The following VPS35L variants were observed in gnomAD, a reference collection of about 807,000 sequenced individuals.
The protein encoded by VPS35L is VPS35 endosomal protein sorting factor like, also known as VPS35 endosomal protein-sorting factor-like.
Under a neutral mutation model 133.0 loss-of-function variants are expected in VPS35L, and 83 were observed. That is an observed-to-expected ratio of 0.62 (90% CI 0.52 to 0.75). The LOEUF (loss-of-function observed/expected upper bound fraction) is 0.75, where lower values mean the gene tolerates loss of function less well. Ranked by LOEUF, VPS35L falls within the 30% of genes least tolerant of loss-of-function variation. The probability of loss-of-function intolerance (pLI) is 0.00; values close to 1 mark genes in which losing one functional copy is unlikely to be tolerated. For missense variants in VPS35L, 1,083 were observed against 1,206.8 expected, an observed-to-expected ratio of 0.90 and a Z score of 1.52; for synonymous variants, 423 against 449.9, an observed-to-expected ratio of 0.94 and a Z score of 0.76.
intron 4 of VPS35L, 67 bp from the exon 5 acceptor site, chr16:19,575,031 C>G: frequency 7.4e-7 from 1 of 1,350,122 alleles, no homozygotes; most frequent in Non-Finnish European, 1.0e-6. Context: ...GTAAATGGCT[C>G]TGTTGGAAAA....
intron 7 of VPS35L, among the ~76,000 whole-genome samples, chr16:19,585,505 G>T (rs572737765): frequency 2.6e-4 from 40 of 151,070 alleles, no homozygotes; most frequent in Admixed American, 9.3e-4. Context: ...GGCCTCAAGC[G>T]ATCCTCCCGC....
chr16:19,675,305 C>T (rs559303611), intron 27 of VPS35L, among the ~76,000 whole-genome samples: 1 of 147,942 alleles, frequency 6.8e-6, no homozygotes, highest in African/African-American at 2.5e-5. Flanking sequence ...TGCAGTAGTA[C>T]AATCATAGCT....
chr16:19,581,442 G>A (rs1441418426), intron 6 of VPS35L, 83 bp from the exon 7 acceptor site: 1 of 1,368,320 alleles, frequency 7.3e-7, no homozygotes, highest in Non-Finnish European at 9.6e-7. Context: ...CCAAAACTCA[G>A]CCAATACCTA....
At chr16:19,591,692 C>T in intron 7 of VPS35L, 98 bp from the exon 8 acceptor site, 2 of 885,742 alleles carry the variant, frequency 2.3e-6, no homozygotes, top group South Asian at 3.0e-5. Flanking sequence ...GTAAGTATCT[C>T]AACTTGTATA....
chr16:19,671,002 T>C (rs1224521874), intron 27 of VPS35L, among the ~76,000 whole-genome samples: 1 of 152,220 alleles, frequency 6.6e-6, no homozygotes, highest in Admixed American at 6.5e-5. Flanking sequence ...TGTATGTTCT[T>C]CTTCCTTTCA....
chr16:19,556,122 T>C (rs114080607), intron 1 of VPS35L, among the ~76,000 whole-genome samples: 1,654 of 152,300 alleles, frequency 0.011, 40 homozygotes, highest in African/African-American at 0.037. Flanking sequence ...TCGGGAGATC[T>C]GGCTGTTGGT....
intron 27 of VPS35L, among the ~76,000 whole-genome samples, chr16:19,675,798 C>A (rs12928663): frequency 0.19 from 28,423 of 151,672 alleles, 3,311 homozygotes; most frequent in South Asian, 0.36. Flanking sequence ...GCTCAGCCCC[C>A]CTCCGCCTCC....
chr16:19,626,292 TG>T, intron 15 of VPS35L, 69 bp downstream of exon 15: 1 of 1,162,244 alleles, frequency 8.6e-7, no homozygotes, highest in Non-Finnish European at 1.3e-6. Context: ...GAGCTTGGCC[TG>T]CTTACCTGGG....
At chr16:19,612,864 G>T (rs1435543422) in intron 12 of VPS35L, among the ~76,000 whole-genome samples, 3 of 152,226 alleles carry the variant, frequency 2.0e-5, no homozygotes, top group Admixed American at 1.3e-4. Flanking sequence ...CAGTGACAAT[G>T]AGGAGAAGAT....
At chr16:19,558,760 GA>G (rs111538957) in intron 1 of VPS35L, among the ~76,000 whole-genome samples, 226 of 143,468 alleles carry the variant, frequency 1.6e-3, no homozygotes, top group South Asian at 2.4e-3. Context: ...GTCTCTACTA[GA>G]AAAAAAAAAA....
In VPS35L at chr16:19,633,086, G is replaced by A. The variant is rs778067877; in HGVS notation, c.1555-6G>A. 3.1e-6 allele frequency: 5 copies of A among 1,613,866 alleles called. No individual in the cohort carries two copies. Among genetic ancestry groups the A allele is most frequent in the Non-Finnish European group, 4.2e-6 (5 of 1,179,812 alleles). On this transcript the variant is annotated splice_region_variant and splice_polypyrimidine_tract_variant and intron_variant, in intron 18 of 30. Transcript: ENST00000417362. This position sits in a 1 kb window ranked among gnomAD's most constrained non-coding sequence, Gnocchi z 4.1. ...AATTCAGGTTTGGTTCCTTTTTCCT[G>A]CTTAGAAACGAGAGGTGAATACCGT...
At chr16:19,691,247 T>C (rs1975669557) in intron 28 of VPS35L, 106 bp from the exon 29 acceptor site, 2 of 884,138 alleles carry the variant, frequency 2.3e-6, no homozygotes, top group Non-Finnish European at 3.7e-6. Flanking sequence ...CTGCCACGAC[T>C]TCCTGCCATC....
At chr16:19,608,334 G>A in intron 10 of VPS35L, 60 bp downstream of exon 10, 2 of 1,242,252 alleles carry the variant, frequency 1.6e-6, no homozygotes, top group South Asian at 2.4e-5. Flanking sequence ...GAATTGTACT[G>A]TTAATAGAAG....
intron 14 of VPS35L, among the ~76,000 whole-genome samples, chr16:19,624,330 C>T (rs1973190668): frequency 6.6e-6 from 1 of 151,160 alleles, no homozygotes; most frequent in Admixed American, 6.6e-5. Context: ...CTCCTGTAAT[C>T]CCAGCACTTT....
At chr16:19,557,357 T>C (rs1970893129) in intron 1 of VPS35L, among the ~76,000 whole-genome samples, 1 of 152,196 alleles carries the variant, frequency 6.6e-6, no homozygotes, top group South Asian at 2.1e-4. Flanking sequence ...ATTTAGGGTC[T>C]CTATAGTTCC....
intron 27 of VPS35L, among the ~76,000 whole-genome samples, chr16:19,680,032 C>G (rs1209130594): frequency 6.6e-6 from 1 of 152,216 alleles, no homozygotes; most frequent in Non-Finnish European, 1.5e-5. Flanking sequence ...CTTGGTTTAT[C>G]TGCAGAGAGG....
At position 19,690,438 on chromosome 16, in the gene VPS35L, G is replaced by A. The variant is rs554839935; in HGVS notation, c.2528-915G>A. 2.6e-4 allele frequency among the ~76,000 whole-genome samples: 40 copies of A among 152,324 alleles called. No homozygotes were observed. The South Asian group carries it at 3.1e-3, about 12-fold the overall frequency. ...AGGACGAGACCCAGCAAACAGTGGA[G>A]GAGCTTTTGGCAAGAGACATTATCA... On this transcript the variant is annotated intron_variant, in intron 28 of 30. Coordinates refer to ENST00000417362, the MANE Select transcript of VPS35L (RefSeq NM_020314.7).
chr16:19,652,193 T>TA, intron 26 of VPS35L, 103 bp downstream of exon 26: 1 of 867,282 alleles, frequency 1.2e-6, no homozygotes, highest in Admixed American at 2.1e-5. Context: ...TTTCTTTTTT[T>TA]AGAGACAGAG....
intron 10 of VPS35L, chr16:19,608,618 A>T (rs1972611667): frequency 2.5e-6 from 1 of 392,210 alleles, no homozygotes; most frequent in African/African-American, 2.0e-5. Context: ...TTTGCAGGGC[A>T]AATGCTACTA....
Sources: gnomAD v4.1 joint callset for allele counts (sites outside exome capture counted in the v4.1 genomes callset) on GRCh38, gnomAD v4.1.1 for gene constraint, Gnocchi (gnomAD v3.1) non-coding constraint, MANE v1.5 for transcripts, NCBI Gene and HGNC (gene_info 2026-07-23, HGNC 2026-07-21) for gene names.